Variants in FSCN3 observed in about 807,000 individuals in gnomAD.
The protein encoded by FSCN3 is fascin-3.
In FSCN3, 43 loss-of-function variants were observed where a neutral mutation model predicts 53.5. The observed-to-expected ratio is 0.80, with a 90% CI of 0.63 to 1.04. The LOEUF (loss-of-function observed/expected upper bound fraction) is 1.04, where lower values mean the gene tolerates loss of function less well. Ranked by LOEUF, FSCN3 falls within the 50% of genes least tolerant of loss-of-function variation. The pLI, the probability that FSCN3 is intolerant of heterozygous loss-of-function variation, is 0.00. For missense variants in FSCN3, 594 were observed against 646.5 expected, an observed-to-expected ratio of 0.92 and a Z score of 0.88; for synonymous variants, 235 against 246.6, an observed-to-expected ratio of 0.95 and a Z score of 0.44.
In FSCN3 at chr7:127,595,435, C is replaced by T. The variant is rs1794371108; in HGVS notation, c.273C>T (p.His91=). The T allele has an allele frequency of 3.1e-6, 5 of 1,614,060 alleles. No homozygotes were observed. The highest frequency in any genetic ancestry group is 3.4e-6 in the Non-Finnish European group (4 of 1,180,048). ...GTTATGGCCGCCCAAGGACCAGCCA[C>T]CATGGGTGCTTTCTACTGCGTTTCC... ...TVCYGRPRTS[H]HGCFLLRFHR... is the part of the protein sequence containing the mutation. The change falls in exon 2 of 7, where the codon CAC becomes CAT. Residue 91 remains histidine (H), a synonymous_variant. Transcript: ENST00000265825.
chr7:127,599,932 G>A lies in FSCN3; in HGVS notation c.1292-262G>A, dbSNP rs546004431. On this transcript the variant is annotated intron_variant, in intron 5 of 6. Coordinates refer to ENST00000265825, the MANE Select transcript of FSCN3 (RefSeq NM_020369.3). ...AGCACTCCAGCCTGGGCGACACACC[G>A]AGACTCCGTTTCCAAAAAAAAAAAA... is the stretch of plus-strand genomic sequence containing the variant. Among the ~76,000 whole-genome samples the A allele has an allele frequency of 1.0e-4, 15 of 150,694 alleles. No homozygotes were observed. In the East Asian group the frequency reaches 1.4e-3, roughly 14 times the overall value.
chr7:127,598,541 G>T lies in FSCN3; in HGVS notation c.1067G>T (p.Arg356Leu). The T allele has an allele frequency of 6.2e-7, 1 of 1,613,670 alleles. No homozygotes were observed. The highest frequency in any genetic ancestry group is 8.5e-7 in the Non-Finnish European group (1 of 1,179,708). Residue 356 changes from arginine (R) to leucine (L), a missense_variant, in exon 4 of 7, where the codon CGC becomes CTC. By Grantham distance (102) the Arg-to-Leu change is moderately radical. Coordinates refer to ENST00000265825, the MANE Select transcript of FSCN3 (RefSeq NM_020369.3). ...ATCATCCTGCAGTCCTGCAGGGGGC[G>T]CTTCCTGGGCATTGCACCCAACAGC... ...GRIILQSCRG[R>L]FLGIAPNSLL...
rs1193316872 is a variant in FSCN3, at chr7:127,595,918, G to T, written c.756G>T (p.Arg252Ser). 6.2e-7 allele frequency: 1 copy of T among 1,611,094 alleles called. No individual in the cohort carries two copies. The highest frequency in any genetic ancestry group is 8.5e-7 in the Non-Finnish European group (1 of 1,178,396). The change falls in exon 2 of 7, where the codon AGG becomes AGT. Residue 252 changes from arginine to serine, a missense_variant. By Grantham distance (110) the Arg-to-Ser change is moderately radical. Transcript: ENST00000265825. ...TGGGCATGGGCTGCAACCCCATGAG[G>T]GGTGAGGAGTGGTTCATCCTACAGC... ...LLLGMGCNPM[R>S]GEEWFILQHC...
At position 127,598,473 on chromosome 7, in the gene FSCN3, G is replaced by A. The variant is rs1478982952; in HGVS notation, c.999G>A (p.Leu333=). The stretch of plus-strand genomic sequence containing the variant: ...CAGTAATGGCTGATGGGCACCCCCT[G>A]GAGTCTGACACGTTCTTCCGAATGC... ...HRAVMADGHP[L]ESDTFFRMHW... The change falls in exon 4 of 7, where the codon CTG becomes CTA. Residue 333 remains leucine, a synonymous_variant. Transcript: ENST00000265825. 1.2e-6 allele frequency: 2 copies of A among 1,613,978 alleles called. No homozygotes were observed. The highest frequency in any genetic ancestry group is 2.7e-5 in the African/African-American group (2 of 74,934).
intron 3 of FSCN3, among the ~76,000 whole-genome samples, chr7:127,597,400 C>CT (rs1562956289): frequency 1.3e-5 from 2 of 151,674 alleles, no homozygotes; most frequent in Admixed American, 6.6e-5. Context: ...TTTGGATTGT[C>CT]TTTTTTATTT....
At position 127,595,718 on chromosome 7, in the gene FSCN3, G is replaced by A. The variant is rs1794376898; in HGVS notation, c.556G>A (p.Asp186Asn). ...GTGTGGCTTCCTGTTGCATTTCCGA[G>A]ATGGATGCTACCACCTGGAGACCTC... ...EECGFLLHFR[D>N]GCYHLETSTH... Residue 186 changes from aspartate (D) to asparagine (N), a missense_variant, in exon 2 of 7, where the codon GAT becomes AAT. Coordinates refer to ENST00000265825, the MANE Select transcript of FSCN3 (RefSeq NM_020369.3). 6 of 1,613,576 alleles carry A rather than the reference G, an allele frequency of 3.7e-6. No individual in the cohort carries two copies. The highest frequency in any genetic ancestry group is 3.3e-4 in the Middle Eastern group (2 of 6,060).
intron 4 of FSCN3, among the ~76,000 whole-genome samples, chr7:127,599,073 TG>T (rs1262616934): frequency 6.6e-6 from 1 of 152,194 alleles, no homozygotes; most frequent in Non-Finnish European, 1.5e-5. Flanking sequence ...GCCTCAGTTT[TG>T]TCGTCTATAA....
In FSCN3 at chr7:127,600,187, T is replaced by C. The variant is rs760160400; in HGVS notation, c.1292-7T>C. 2.9e-5 allele frequency: 45 copies of C among 1,556,682 alleles called. No individual in the cohort carries two copies. The highest frequency in any genetic ancestry group is 4.0e-5 in the Non-Finnish European group (45 of 1,128,046). Reference sequence around the variant, plus strand: ...TGGCCCACCAACCTGAGCTCTTCCTTCTCCAGCACAGGGGGGATCCTTCTG... The same window carrying C: ...TGGCCCACCAACCTGAGCTCTTCCTCCTCCAGCACAGGGGGGATCCTTCTG... On this transcript the variant is annotated splice_polypyrimidine_tract_variant and splice_region_variant and intron_variant, in intron 5 of 6. Transcript: ENST00000265825.
intron 1 of FSCN3, 60 bp from the exon 2 acceptor site, chr7:127,595,247 C>A: frequency 6.8e-7 from 1 of 1,466,494 alleles, no homozygotes; most frequent in Non-Finnish European, 9.3e-7. Context: ...AGTTGCAGGG[C>A]TCCTTGGTCT....
rs1212718328 is a variant in FSCN3, at chr7:127,596,356, C to T, written c.870C>T (p.Arg290=). 1.2e-6 allele frequency: 2 copies of T among 1,613,006 alleles called. No individual in the cohort carries two copies. Among genetic ancestry groups the T allele is most frequent in the Non-Finnish European group, 1.7e-6 (2 of 1,179,014 alleles). The change falls in exon 3 of 7, where the codon CGC becomes CGT. Residue 290 remains arginine (R), a synonymous_variant. Transcript: ENST00000265825. The part of the protein sequence containing the change: ...YDGEVRAASE[R]LNRMSLFQFE... ...GTGAGGTGCGTGCTGCTTCTGAGCG[C>T]TTAAACCGAATGTCCTTGTTCCAGT... is the stretch of plus-strand genomic sequence containing the variant.
In FSCN3 at chr7:127,593,896, G is replaced by A. The variant is rs1794332864; in HGVS notation, c.43G>A (p.Asp15Asn). ...EWIHRHPKAE[D>N]LRVGLISWAG... is the part of the protein sequence containing the mutation. ...GATACACAGACATCCCAAGGCTGAG[G>A]ACCTAAGGGTTGGGCTCATCAGCTG... Residue 15 changes from aspartate (D) to asparagine (N), a missense_variant, in exon 1 of 7, where the codon GAC (aspartate) becomes AAC (asparagine). Coordinates refer to ENST00000265825, the MANE Select transcript of FSCN3 (RefSeq NM_020369.3). 2.5e-6 allele frequency: 4 copies of A among 1,591,098 alleles called. No individual in the cohort carries two copies. Among genetic ancestry groups the A allele is most frequent in the Non-Finnish European group, 3.4e-6 (4 of 1,168,398 alleles).
At position 127,595,820 on chromosome 7, in the gene FSCN3, C is replaced by T. The variant is rs760881450; in HGVS notation, c.658C>T (p.Arg220Trp). Reference protein sequence around the residue: ...SSQTAFHMQVRPGGLVALCDG... With the variant: ...SSQTAFHMQVWPGGLVALCDG... ...ACAGACAGCTTTTCACATGCAAGTGCGGCCTGGAGGGCTTGTGGCACTGTG... is the reference window on the plus strand; with the variant it reads ...ACAGACAGCTTTTCACATGCAAGTGTGGCCTGGAGGGCTTGTGGCACTGTG... The change falls in exon 2 of 7, where the codon CGG becomes TGG. Residue 220 changes from arginine to tryptophan, a missense_variant. Transcript: ENST00000265825. 27 of 1,613,052 alleles carry T rather than the reference C, an allele frequency of 1.7e-5. No individual in the cohort carries two copies. The highest frequency in any genetic ancestry group is 7.7e-5 in the South Asian group (7 of 90,922).
chr7:127,594,065 C>A (rs541004520), intron 1 of FSCN3, 68 bp downstream of exon 1: 14 of 1,522,512 alleles, frequency 9.2e-6, no homozygotes, highest in Non-Finnish European at 8.9e-6. Flanking sequence ...TGTGTGCGCG[C>A]GCGCGTGTGT....
chr7:127,597,722 C>G (rs1343313464), intron 3 of FSCN3, among the ~76,000 whole-genome samples: 2 of 152,170 alleles, frequency 1.3e-5, no homozygotes, highest in Non-Finnish European at 2.9e-5. Flanking sequence ...CCATGATCTG[C>G]CCGTGTCAGC....
rs1562956057 is a variant in FSCN3, at chr7:127,596,328, A to T, written c.842A>T (p.Asp281Val). ...KTGRFISVIY[D>V]GEVRAASERL... is the part of the protein sequence containing the mutation. ...TTACTGACATGCGCTTCCTCTGCAG[A>T]TGGTGAGGTGCGTGCTGCTTCTGAG... Residue 281 changes from aspartate to valine, a missense_variant and splice_region_variant, in exon 3 of 7, where the codon GAT (aspartate) becomes GTT (valine). Coordinates refer to ENST00000265825, the MANE Select transcript of FSCN3 (RefSeq NM_020369.3). The T allele has an allele frequency of 6.2e-7, 1 of 1,602,938 alleles. No individual in the cohort carries two copies. Among genetic ancestry groups the T allele is most frequent in the Admixed American group, 1.7e-5 (1 of 59,974 alleles).
intron 5 of FSCN3, 57 bp from the exon 6 acceptor site, chr7:127,600,137 G>C (rs1794451325): frequency 1.1e-6 from 1 of 945,860 alleles, no homozygotes; most frequent in East Asian, 2.4e-5. Context: ...TCCAAGGCCA[G>C]ATCGCTGGAG....
rs146575754 is a variant in FSCN3 at position 127,595,498 on chromosome 7, T to C, written c.336T>C (p.Ser112=). The C allele has an allele frequency of 5.2e-4, 836 of 1,614,064 alleles. 3 individuals are homozygous for C. In the African/African-American group the frequency reaches 8.7e-3, roughly 17 times the overall value. ...NSKWTLQCLI[S]GRYLESNGKD... is the part of the protein sequence containing the mutation. ...AGTGGACCCTCCAGTGCCTAATCTC[T>C]GGTCGTTATTTGGAGTCCAATGGCA... The change falls in exon 2 of 7, where the codon TCT becomes TCC. Residue 112 remains serine, a synonymous_variant. Coordinates refer to ENST00000265825, the MANE Select transcript of FSCN3 (RefSeq NM_020369.3).
At position 127,598,570 on chromosome 7, in the gene FSCN3, C is replaced by T; in HGVS notation, c.1096C>T (p.Leu366=). The T allele has an allele frequency of 6.2e-7, 1 of 1,611,748 alleles. No homozygotes were observed. The highest frequency in any genetic ancestry group is 8.5e-7 in the Non-Finnish European group (1 of 1,178,598). Residue 366 remains leucine (L), a synonymous_variant, in exon 4 of 7, where the codon CTG becomes TTG. Transcript: ENST00000265825. ...RFLGIAPNSL[L]MANVILPGPN... is the part of the protein sequence containing the mutation. ...CCTGGGCATTGCACCCAACAGCCTG[C>T]TGATGGCCAATGTCATCCTTCCAGG...
chr7:127,596,263 C>A, intron 2 of FSCN3, 65 bp from the exon 3 acceptor site: 2 of 1,540,610 alleles, frequency 1.3e-6, no homozygotes, highest in South Asian at 2.3e-5. Context: ...AAGCCCCGGT[C>A]ATAAAACATG....
Sources: gnomAD v4.1 joint callset for allele counts (sites outside exome capture counted in the v4.1 genomes callset) on GRCh38, gnomAD v4.1.1 for gene constraint, MANE v1.5 for transcripts, NCBI Gene and HGNC (gene_info 2026-07-23, HGNC 2026-07-21) for gene names.